Variants in LHFPL3 observed in about 807,000 individuals in gnomAD.
LHFPL3 encodes LHFPL tetraspan subfamily member 3.
Under a neutral mutation model 19.3 loss-of-function variants are expected in LHFPL3, and 5 were observed. The observed-to-expected ratio is 0.26, with a 90% confidence interval of 0.14 to 0.54. The LOEUF (loss-of-function observed/expected upper bound fraction) is 0.54, where lower values mean the gene tolerates loss of function less well. Among genes scored for constraint, LHFPL3 ranks in the 20% least tolerant of loss-of-function variants. The pLI is 0.94. For missense variants in LHFPL3, 249 were observed against 307.4 expected, an observed-to-expected ratio of 0.81 and a Z score of 1.42; for synonymous variants, 133 against 126.2, an observed-to-expected ratio of 1.05 and a Z score of -0.36.
intron 1 of LHFPL3, among the ~76,000 whole-genome samples, chr7:104,548,142 A>G (rs1222077356): frequency 1.3e-5 from 2 of 152,198 alleles, no homozygotes; most frequent in East Asian, 3.8e-4. Context: ...CAAAATATGA[A>G]GCAAAATGTC....
chr7:104,673,112 T>TAC (rs1792518220), intron 1 of LHFPL3, among the ~76,000 whole-genome samples: 1 of 152,248 alleles, frequency 6.6e-6, no homozygotes, highest in Non-Finnish European at 1.5e-5. Context: ...CCTGCAGGGT[T>TAC]ACAGCCTCCT....
rs1792703341 is a variant in LHFPL3 at position 104,462,997 on chromosome 7, C to G, written c.445+133773C>G. Among the ~76,000 whole-genome samples, 3 of 152,114 alleles carry G rather than the reference C, an allele frequency of 2.0e-5. No homozygotes were observed. In the South Asian group the frequency reaches 6.2e-4, roughly 31 times the overall value. On this transcript the variant is annotated intron_variant, in intron 1 of 2. Transcript: ENST00000424859. ...GGTGTGTATGTTTCCAGGAATTCAT[C>G]TCTTGTAGTTTTTCTAGTTTATATG...
At chr7:104,362,398 C>G in intron 1 of LHFPL3, among the ~76,000 whole-genome samples, 1 of 152,296 alleles carries the variant, frequency 6.6e-6, no homozygotes, top group South Asian at 2.1e-4. Flanking sequence ...GTCACATGTG[C>G]TAGGTCATTT....
At chr7:104,562,579 T>A (rs1395478957) in intron 1 of LHFPL3, among the ~76,000 whole-genome samples, 1 of 152,134 alleles carries the variant, frequency 6.6e-6, no homozygotes, top group African/African-American at 2.4e-5. Context: ...TAGTTATACA[T>A]TCTTCTAAAT....
chr7:104,824,527 T>G (rs1286655079), intron 2 of LHFPL3, among the ~76,000 whole-genome samples: 2 of 63,474 alleles, frequency 3.2e-5, no homozygotes, highest in Non-Finnish European at 5.6e-5. Flanking sequence ...TATTATTTTA[T>G]ATATAATATA....
At chr7:104,828,129 C>T (rs145462955) in intron 2 of LHFPL3, among the ~76,000 whole-genome samples, 1 of 152,030 alleles carries the variant, frequency 6.6e-6, no homozygotes, top group Admixed American at 6.5e-5. Flanking sequence ...AGTTTGGGAC[C>T]CTCTCCAGCT....
chr7:104,622,008 CT>C (rs1388789716), intron 1 of LHFPL3, among the ~76,000 whole-genome samples: 4 of 152,206 alleles, frequency 2.6e-5, no homozygotes, highest in East Asian at 3.8e-4. Context: ...TTAAATACCC[CT>C]GATTTCTACT....
intron 1 of LHFPL3, among the ~76,000 whole-genome samples, chr7:104,367,760 A>G (rs972737966): frequency 3.3e-5 from 5 of 152,234 alleles, no homozygotes; most frequent in Non-Finnish European, 7.3e-5. Context: ...TTGAGTTGTA[A>G]TGACTTGCAG....
intron 1 of LHFPL3, among the ~76,000 whole-genome samples, chr7:104,495,376 TA>T (rs5886322): frequency 0.44 from 66,167 of 151,392 alleles, 15,063 homozygotes; most frequent in Non-Finnish European, 0.51. Context: ...TCTGGCTATT[TA>T]AAAAAAAAAT....
intron 1 of LHFPL3, among the ~76,000 whole-genome samples, chr7:104,379,845 C>T (rs1174413550): frequency 1.3e-5 from 2 of 152,132 alleles, no homozygotes; most frequent in African/African-American, 2.4e-5. Flanking sequence ...TCAGTCCCAG[C>T]GCTATGCCAA....
At chr7:104,497,350 C>A (rs1014893283) in intron 1 of LHFPL3, among the ~76,000 whole-genome samples, 13 of 149,316 alleles carry the variant, frequency 8.7e-5, no homozygotes, top group African/African-American at 3.2e-4. Context: ...TAGGTTTCAG[C>A]TCCAAAAGTA....
chr7:104,644,419 A>C, intron 1 of LHFPL3, among the ~76,000 whole-genome samples: 1 of 152,196 alleles, frequency 6.6e-6, no homozygotes, highest in East Asian at 1.9e-4. Context: ...CCTGTAACAC[A>C]GGCACATAAA....
At chr7:104,836,955 C>T (rs1203004714) in intron 2 of LHFPL3, among the ~76,000 whole-genome samples, 1 of 152,102 alleles carries the variant, frequency 6.6e-6, no homozygotes, top group Non-Finnish European at 1.5e-5. Flanking sequence ...AATCCCACGG[C>T]CAGATAATAG....
At chr7:104,777,051 C>T (rs143682454) in intron 2 of LHFPL3, among the ~76,000 whole-genome samples, 72 of 152,322 alleles carry the variant, frequency 4.7e-4, no homozygotes, top group African/African-American at 1.7e-3. Context: ...AAGTAAGTGT[C>T]ATGACCTCTG....
intron 2 of LHFPL3, among the ~76,000 whole-genome samples, chr7:104,790,941 T>G (rs1455621404): frequency 6.6e-6 from 1 of 152,232 alleles, no homozygotes; most frequent in Non-Finnish European, 1.5e-5. Context: ...ATTAAGTCAT[T>G]TGGTCTTTCT....
chr7:104,728,270 T>A (rs983769047), intron 1 of LHFPL3, among the ~76,000 whole-genome samples: 1 of 152,136 alleles, frequency 6.6e-6, no homozygotes, highest in African/African-American at 2.4e-5. Flanking sequence ...CCTGTGTTGT[T>A]CAGTAAGTTG....
chr7:104,786,446 T>C (rs2116435622), intron 2 of LHFPL3: 1 of 152,354 alleles, frequency 6.6e-6, no homozygotes, highest in Non-Finnish European at 1.5e-5. Context: ...ACCCTATATC[T>C]ATTATAATGT....
intron 2 of LHFPL3, among the ~76,000 whole-genome samples, chr7:104,743,872 C>T (rs968300785): frequency 3.3e-5 from 5 of 152,104 alleles, no homozygotes; most frequent in Admixed American, 2.0e-4. Flanking sequence ...CTCACGCTCA[C>T]GCTGTCACCC....
intron 1 of LHFPL3, among the ~76,000 whole-genome samples, chr7:104,403,382 A>C (rs73403874): frequency 0.041 from 6,194 of 152,182 alleles, 436 homozygotes; most frequent in African/African-American, 0.14. Context: ...CCTGCTAAGA[A>C]CCTGGGCTCC....
Sources: allele counts gnomAD v4.1 joint callset (sites outside exome capture counted in the v4.1 genomes callset), GRCh38; gene constraint gnomAD v4.1.1; transcripts MANE v1.5; gene names NCBI Gene and HGNC (gene_info 2026-07-23, HGNC 2026-07-21).